Variants in TNR observed in about 807,000 individuals in gnomAD.
The protein encoded by TNR is tenascin R.
In TNR, 45 loss-of-function variants were observed where a neutral mutation model predicts 150.4. The observed-to-expected ratio is 0.30, with a 90% CI of 0.24 to 0.38. TNR has a LOEUF of 0.38. Among genes scored for constraint, TNR ranks in the 10% least tolerant of loss-of-function variants. The pLI is 1.00. For synonymous variants in TNR, 687 were observed against 678.4 expected, an observed-to-expected ratio of 1.01 and a Z score of -0.20; for missense variants, 1,544 against 1,759.1, an observed-to-expected ratio of 0.88 and a Z score of 2.19.
chr1:175,418,047 A>G lies in TNR; in HGVS notation c.-63-11270T>C, dbSNP rs116506935. 2.9e-3 allele frequency among the ~76,000 whole-genome samples: 441 copies of G among 152,336 alleles called. 2 individuals are homozygous for G. The highest frequency in any genetic ancestry group is 9.3e-3 in the Admixed American group (142 of 15,302). On this transcript the variant is annotated intron_variant, in intron 2 of 22. Transcript: ENST00000367674. The stretch of plus-strand genomic sequence containing the variant: ...GCAGGTGAATTATACCTTCTAGTGC[A>G]TGAAATAACATAATTATTTTCTACC...
intron 1 of TNR, among the ~76,000 whole-genome samples, chr1:175,722,535 G>A (rs1667335830): frequency 6.6e-6 from 1 of 152,030 alleles, no homozygotes; most frequent in South Asian, 2.1e-4. Flanking sequence ...CACCATCTCA[G>A]CTCAATGCAA....
At chr1:175,350,835 G>T (rs1339275480) in intron 18 of TNR, among the ~76,000 whole-genome samples, 1 of 152,106 alleles carries the variant, frequency 6.6e-6, no homozygotes, top group Admixed American at 6.5e-5. Flanking sequence ...GGTCCACTTG[G>T]GACAAGGTGA....
At chr1:175,560,566 T>C (rs1359612086) in intron 1 of TNR, among the ~76,000 whole-genome samples, 1 of 152,238 alleles carries the variant, frequency 6.6e-6, no homozygotes, top group East Asian at 1.9e-4. Context: ...TATGCCTTGT[T>C]CTCAGTGAAC....
At chr1:175,622,650 G>T (rs1451288702) in intron 1 of TNR, among the ~76,000 whole-genome samples, 1 of 152,170 alleles carries the variant, frequency 6.6e-6, no homozygotes, top group Non-Finnish European at 1.5e-5. Flanking sequence ...TGCTTTAGAT[G>T]CCTGTATTGG....
rs180728522 is a variant in TNR at position 175,733,879 on chromosome 1, T to A, written c.-165+9347A>T. 2.3e-4 allele frequency among the ~76,000 whole-genome samples: 35 copies of A among 152,268 alleles called. No homozygotes were observed. In the East Asian group the frequency reaches 4.5e-3, roughly 19 times the overall value. On this transcript the variant is annotated intron_variant, in intron 1 of 22. Coordinates refer to ENST00000367674, the MANE Select transcript of TNR (RefSeq NM_003285.3). ...CAAGACACACTTCCCAGGGAAACCA[T>A]GCCCTGGTGAGCTACACTCCTGCTT...
chr1:175,586,984 G>A lies in TNR; in HGVS notation c.-164-58615C>T, dbSNP rs938326990. ...GCCCATCAGTATTCTACAGCTTTGT[G>A]GGAAATAATTTTATATATGGCTCTT... is the stretch of plus-strand genomic sequence containing the variant. On this transcript the variant is annotated intron_variant, in intron 1 of 22. Coordinates refer to ENST00000367674, the MANE Select transcript of TNR (RefSeq NM_003285.3). Among the ~76,000 whole-genome samples the A allele has an allele frequency of 3.3e-5, 5 of 152,130 alleles. 1 individual carries two copies. The highest frequency in any genetic ancestry group is 4.1e-4 in the South Asian group (2 of 4,820).
In TNR at chr1:175,316,278, G is replaced by A. The variant is rs931312457; in HGVS notation, c.*7079C>T. The A allele has an allele frequency of 6.6e-6, 1 of 152,236 alleles. No individual in the cohort carries two copies. The allele number at this position is 152,236 out of a possible 1,614,324, so 9.4% of individuals were successfully genotyped here. Reference sequence around the variant, plus strand: ...CCCACCCACTAGGGATGTGGGGCAGGTAAGGAGTGGGGAAAAGAAACCAGG... The same window carrying A: ...CCCACCCACTAGGGATGTGGGGCAGATAAGGAGTGGGGAAAAGAAACCAGG... On this transcript the variant is annotated 3_prime_UTR_variant, in exon 23 of 23. Transcript: ENST00000367674.
chr1:175,697,086 T>C lies in TNR; in HGVS notation c.-165+46140A>G, dbSNP rs1001187176. ...AACCTGTTTATCCCAAGCCTCTTTA[T>C]CTCAGGCAGTTTGCGTGTATATGTA... On this transcript the variant is annotated intron_variant, in intron 1 of 22. Coordinates refer to ENST00000367674, the MANE Select transcript of TNR (RefSeq NM_003285.3). Among the ~76,000 whole-genome samples, 17 of 152,146 alleles carry C rather than the reference T, an allele frequency of 1.1e-4. No individual in the cohort carries two copies. In the South Asian group the frequency reaches 3.3e-3, roughly 30 times the overall value.
At chr1:175,427,532 T>G (rs1655047305) in intron 2 of TNR, among the ~76,000 whole-genome samples, 1 of 152,230 alleles carries the variant, frequency 6.6e-6, no homozygotes, top group Non-Finnish European at 1.5e-5. Flanking sequence ...GGCTGGTGTC[T>G]ACAGTGTTGG....
chr1:175,673,546 G>A (rs1238173360), intron 1 of TNR, among the ~76,000 whole-genome samples: 1 of 152,268 alleles, frequency 6.6e-6, no homozygotes, highest in Non-Finnish European at 1.5e-5. Flanking sequence ...TCAAATGTGA[G>A]CTCATTCATT....
At chr1:175,508,130 GGA>G (rs1659031740) in intron 2 of TNR, among the ~76,000 whole-genome samples, 1 of 152,122 alleles carries the variant, frequency 6.6e-6, no homozygotes, top group African/African-American at 2.4e-5. Flanking sequence ...GCAAGGGAAG[GGA>G]GGGCATTAGG....
intron 18 of TNR, among the ~76,000 whole-genome samples, chr1:175,345,219 C>T (rs746863913): frequency 6.6e-5 from 10 of 152,132 alleles, no homozygotes; most frequent in Non-Finnish European, 1.3e-4. Context: ...GTCTGTTTTG[C>T]TTGTCTTTCA....
intron 1 of TNR, among the ~76,000 whole-genome samples, chr1:175,557,528 A>C (rs2102206080): frequency 6.6e-6 from 1 of 152,174 alleles, no homozygotes; most frequent in East Asian, 1.9e-4. Context: ...ATCCAATCTC[A>C]ACTTGAACTT....
intron 2 of TNR, among the ~76,000 whole-genome samples, chr1:175,503,928 C>G (rs560081349): frequency 5.9e-5 from 9 of 152,258 alleles, no homozygotes; most frequent in Non-Finnish European, 1.2e-4. Context: ...GAATGCTCTT[C>G]TGGGTGGGAT....
intron 2 of TNR, among the ~76,000 whole-genome samples, chr1:175,486,121 CT>C (rs35730425): frequency 0.45 from 64,792 of 144,932 alleles, 14,738 homozygotes; most frequent in African/African-American, 0.6. Context: ...GCATTAGGTT[CT>C]TTTTTTTTTT....
chr1:175,524,300 G>A (rs149594245), intron 2 of TNR, among the ~76,000 whole-genome samples: 1 of 152,244 alleles, frequency 6.6e-6, no homozygotes, highest in Non-Finnish European at 1.5e-5. Context: ...TAGGTAGGAT[G>A]CACTGCTTTC....
rs557241387 is a variant in TNR, at chr1:175,557,835, C to T, written c.-164-29466G>A. Among the ~76,000 whole-genome samples the T allele has an allele frequency of 1.8e-3, 221 of 121,392 alleles. 5 individuals carry two copies. The South Asian group carries it at 0.026, about 14-fold the overall frequency. 79.6% of individuals were successfully genotyped at this position (121,392 alleles called of 152,430 possible). On this transcript the variant is annotated intron_variant, in intron 1 of 22. Coordinates refer to ENST00000367674, the MANE Select transcript of TNR (RefSeq NM_003285.3). ...GACACATGCACACGTATGTTTATTGCGGCATTATTCACAATAGCAAAGACT... is the reference window on the plus strand; with the variant it reads ...GACACATGCACACGTATGTTTATTGTGGCATTATTCACAATAGCAAAGACT...
intron 1 of TNR, among the ~76,000 whole-genome samples, chr1:175,620,308 T>G (rs926793548): frequency 6.6e-6 from 1 of 152,198 alleles, no homozygotes; most frequent in African/African-American, 2.4e-5. Flanking sequence ...TTATTGAGCT[T>G]CTGCTGGGTG....
At chr1:175,488,763 A>C (rs1185487230) in intron 2 of TNR, among the ~76,000 whole-genome samples, 1 of 152,228 alleles carries the variant, frequency 6.6e-6, no homozygotes, top group Non-Finnish European at 1.5e-5. Context: ...GCCACTGTGA[A>C]AAGCTCATAT....
Sources: allele counts gnomAD v4.1 joint callset (sites outside exome capture counted in the v4.1 genomes callset), GRCh38; gene constraint gnomAD v4.1.1; transcripts MANE v1.5; gene names NCBI Gene and HGNC (gene_info 2026-07-23, HGNC 2026-07-21).